Variants in SYCE2 observed in about 807,000 individuals in gnomAD.
The protein encoded by SYCE2 is synaptonemal complex central element protein 2.
Under a neutral mutation model 27.9 loss-of-function variants are expected in SYCE2, and 3 were observed. That is an observed-to-expected ratio of 0.11 (90% CI 0.05 to 0.28). The LOEUF is 0.28. Ranked by LOEUF, SYCE2 falls within the 10% of genes least tolerant of loss-of-function variation. The pLI is 1.00. For missense variants in SYCE2, 207 were observed against 263.5 expected (o/e 0.79, Z 1.48); for synonymous variants, 85 against 100.7 (o/e 0.84, Z 0.93).
At position 12,899,400 on chromosome 19, in the gene SYCE2, A is replaced by T. The variant is rs1970778847; in HGVS notation, c.613-15T>A. The T allele has an allele frequency of 6.2e-7, 1 of 1,614,008 alleles. No individual in the cohort carries two copies. ...GAAGCAGTGGCCTGGGGATACATGA[A>T]AATTGATTTTAAAGGGAAGTTGTGA... On this transcript the variant is annotated splice_polypyrimidine_tract_variant and intron_variant, in intron 5 of 5. Coordinates refer to ENST00000293695, the MANE Select transcript of SYCE2 (RefSeq NM_001105578.2).
intron 2 of SYCE2, among the ~76,000 whole-genome samples, chr19:12,911,253 G>T (rs1971041111): frequency 6.6e-6 from 1 of 151,976 alleles, no homozygotes; most frequent in Admixed American, 6.6e-5. Context: ...GATTACAAAC[G>T]TGAGCCACAG....
chr19:12,915,328 C>T (rs758767727), intron 2 of SYCE2, among the ~76,000 whole-genome samples: 15 of 152,064 alleles, frequency 9.9e-5, no homozygotes, highest in Non-Finnish European at 1.9e-4. Context: ...GAGCCGGGCG[C>T]GGTGGCTCAC....
Position 12,900,409 on chromosome 19 carries a change from C to G in SYCE2, c.495+51G>C, listed in dbSNP as rs1460721532. 1.9e-6 allele frequency: 3 copies of G among 1,577,286 alleles called. No homozygotes were observed. The African/African-American group carries it at 4.1e-5, about 21-fold the overall frequency. ...TGTTCACATTTACTCTTGGCTGGGC[C>G]ATCCCTGTCCTCTTCCTCAGGCAGC... On this transcript the variant is annotated intron_variant, in intron 4 of 5. Coordinates refer to ENST00000293695, the MANE Select transcript of SYCE2 (RefSeq NM_001105578.2).
Position 12,906,910 on chromosome 19 carries a change from A to T in SYCE2, c.132-2244T>A, listed in dbSNP as rs535753300. On this transcript the variant is annotated intron_variant, in intron 2 of 5. Coordinates refer to ENST00000293695, the MANE Select transcript of SYCE2 (RefSeq NM_001105578.2). ...CGTCTCAAAAATAAATAAATTAATT[A>T]AATTAAATTAAAATAAATTAAAACA... Among the ~76,000 whole-genome samples, 11 of 152,308 alleles carry T rather than the reference A, an allele frequency of 7.2e-5. No individual in the cohort carries two copies. In the South Asian group the frequency reaches 1.4e-3, roughly 20 times the overall value.
rs35359974 is a variant in SYCE2 at position 12,915,446 on chromosome 19, T to TA, written c.131+2775dup. Among the ~76,000 whole-genome samples, 1,042 of 150,854 alleles carry TA rather than the reference T, an allele frequency of 6.9e-3. 10 individuals are homozygous for TA. The highest frequency in any genetic ancestry group is 0.024 in the African/African-American group (986 of 41,122). On this transcript the variant is annotated intron_variant, in intron 2 of 5. Coordinates refer to ENST00000293695, the MANE Select transcript of SYCE2 (RefSeq NM_001105578.2). ...AAACCCCGTCTCTACCAAAAATATA[T>TA]AAAAAAAAAGCCAGGCCTGGTGGCA... is the stretch of plus-strand genomic sequence containing the variant.
chr19:12,900,239 C>G (rs1007732125), intron 4 of SYCE2, 119 bp from the exon 5 acceptor site: 1 of 1,270,578 alleles, frequency 7.9e-7, no homozygotes, highest in East Asian at 2.4e-5. Flanking sequence ...CACAGAGCTG[C>G]TCATACAACA....
At chr19:12,916,339 G>C (rs1427286934) in intron 2 of SYCE2, among the ~76,000 whole-genome samples, 1 of 152,088 alleles carries the variant, frequency 6.6e-6, no homozygotes, top group African/African-American at 2.4e-5. Flanking sequence ...AAAGTCCTAG[G>C]ATTACAGGTT....
intron 3 of SYCE2, 29 bp from the exon 4 acceptor site, chr19:12,900,677 A>C (rs1041546381): frequency 6.3e-7 from 1 of 1,590,496 alleles, no homozygotes; most frequent in African/African-American, 1.3e-5. Flanking sequence ...TGTTCTCGGA[A>C]AATCAAACAA....
chr19:12,899,473 CA>C, intron 5 of SYCE2, 88 bp from the exon 6 acceptor site: 1 of 1,614,214 alleles, frequency 6.2e-7, no homozygotes, highest in Non-Finnish European at 8.5e-7. Flanking sequence ...TCCAGGTACA[CA>C]TGACATTCAC....
intron 2 of SYCE2, among the ~76,000 whole-genome samples, chr19:12,914,915 C>T (rs1004616875): frequency 6.6e-6 from 1 of 152,180 alleles, no homozygotes; most frequent in African/African-American, 2.4e-5. Context: ...GGCCTGCAGC[C>T]GTATCTTTTT....
Position 12,898,929 on chromosome 19 carries a change from G to C in SYCE2, c.*412C>G, listed in dbSNP as rs558080823. 1.3e-5 allele frequency: 3 copies of C among 232,464 alleles called. No homozygotes were observed. The highest frequency in any genetic ancestry group is 6.8e-5 in the African/African-American group (3 of 43,912). The allele number at this position is 232,464 out of a possible 1,614,324, so 14.4% of individuals were successfully genotyped here. On this transcript the variant is annotated 3_prime_UTR_variant, in exon 6 of 6. Transcript: ENST00000293695. ...GGGTGTGGGATTCTCTGGGAGAGGCGGCTTCAGATGGGCAGAGGTCAGCTG... is the reference window on the plus strand; with the variant it reads ...GGGTGTGGGATTCTCTGGGAGAGGCCGCTTCAGATGGGCAGAGGTCAGCTG...
chr19:12,900,674 G>C (rs531126935), intron 3 of SYCE2, 26 bp from the exon 4 acceptor site: 19 of 1,594,380 alleles, frequency 1.2e-5, no homozygotes, highest in Non-Finnish European at 1.6e-5. Flanking sequence ...ATGTGTTCTC[G>C]GAAAATCAAA....
At chr19:12,918,071 G>C (rs973619802) in intron 2 of SYCE2, 151 bp downstream of exon 2, 1 of 640,224 alleles carries the variant, frequency 1.6e-6, no homozygotes. Context: ...GCAGTGAGCC[G>C]TGATCATGCC....
chr19:12,907,512 C>T (rs187674504), intron 2 of SYCE2, among the ~76,000 whole-genome samples: 1 of 152,326 alleles, frequency 6.6e-6, no homozygotes, highest in East Asian at 1.9e-4. Context: ...AAATCTTGGC[C>T]AGGCACAGTG....
At chr19:12,904,080 C>T (rs776169842) in intron 3 of SYCE2, among the ~76,000 whole-genome samples, 3 of 152,158 alleles carry the variant, frequency 2.0e-5, no homozygotes, top group Non-Finnish European at 2.9e-5. Flanking sequence ...GCCTCAACCC[C>T]CTACTCCCGT....
chr19:12,899,016 C>T lies in SYCE2; in HGVS notation c.*325G>A. The stretch of plus-strand genomic sequence containing the variant: ...TATCCCTCCCGAGGGTAAGAAAGGG[C>T]TTGCTGTGTTTCCTTGGAGCTCAGG... On this transcript the variant is annotated 3_prime_UTR_variant, in exon 6 of 6. Coordinates refer to ENST00000293695, the MANE Select transcript of SYCE2 (RefSeq NM_001105578.2). 1 of 396,814 alleles carries T rather than the reference C, an allele frequency of 2.5e-6. No homozygotes were observed. The highest frequency in any genetic ancestry group is 4.7e-6 in the Non-Finnish European group (1 of 211,042). The allele number at this position is 396,814 out of a possible 1,614,324, so 24.6% of individuals were successfully genotyped here. A position where few individuals can be genotyped will look rare whatever the true frequency, so the allele number is the denominator to read the frequency against.
intron 3 of SYCE2, 107 bp downstream of exon 3, chr19:12,904,385 T>G: frequency 7.5e-7 from 1 of 1,341,812 alleles, no homozygotes. Flanking sequence ...CTGTGCTGTG[T>G]GTGAATGGCC....
rs541989955 is a variant in SYCE2 at position 12,906,474 on chromosome 19, G to A, written c.132-1808C>T. On this transcript the variant is annotated intron_variant, in intron 2 of 5. Coordinates refer to ENST00000293695, the MANE Select transcript of SYCE2 (RefSeq NM_001105578.2). ...AATTTTGAGTAATATGTAATGTTCC[G>A]TAACTTCATAATATTCAATGTAATA... 7.2e-5 allele frequency among the ~76,000 whole-genome samples: 11 copies of A among 152,226 alleles called. No individual in the cohort carries two copies. The East Asian group carries it at 7.7e-4, about 11-fold the overall frequency.
chr19:12,900,435 G>T (rs918811263), intron 4 of SYCE2, 25 bp downstream of exon 4: 1 of 1,605,540 alleles, frequency 6.2e-7, no homozygotes, highest in Non-Finnish European at 8.5e-7. Context: ...CTCAGGCAGC[G>T]CCCCCCCTGT....
Sources: gnomAD v4.1 joint callset for allele counts (sites outside exome capture counted in the v4.1 genomes callset) on GRCh38, gnomAD v4.1.1 for gene constraint, MANE v1.5 for transcripts, NCBI Gene and HGNC (gene_info 2026-07-23, HGNC 2026-07-21) for gene names.